Variants in TNIK observed in about 807,000 individuals in gnomAD.
TNIK encodes TRAF2 and NCK interacting kinase.
In TNIK, 49 loss-of-function variants were observed where a neutral mutation model predicts 191.3. The observed-to-expected ratio is 0.26, with a 90% CI of 0.20 to 0.32. The LOEUF (loss-of-function observed/expected upper bound fraction) is 0.32, where lower values mean the gene tolerates loss of function less well. Ranked by LOEUF, TNIK falls within the 10% of genes least tolerant of loss-of-function variation. The pLI is 1.00. For missense variants in TNIK, 1,155 were observed against 1,702.3 expected, an observed-to-expected ratio of 0.68 and a Z score of 5.66; for synonymous variants, 594 against 600.9, an observed-to-expected ratio of 0.99 and a Z score of 0.17.
At chr3:171,430,170 G>A (rs183138943) in intron 1 of TNIK, among the ~76,000 whole-genome samples, 45 of 152,074 alleles carry the variant, frequency 3.0e-4, no homozygotes, top group African/African-American at 3.9e-4. Context: ...CACCAAATAC[G>A]GTATTTAGCA....
chr3:171,390,842 A>G (rs908018485), intron 1 of TNIK, among the ~76,000 whole-genome samples: 15 of 152,194 alleles, frequency 9.9e-5, no homozygotes, highest in African/African-American at 3.6e-4. Context: ...ACCTGTGCCC[A>G]TGGATGTTGT....
intron 27 of TNIK, among the ~76,000 whole-genome samples, chr3:171,081,888 A>G (rs1720736703): frequency 6.6e-6 from 1 of 152,124 alleles, no homozygotes; most frequent in South Asian, 2.1e-4. Flanking sequence ...TGCTTACTAA[A>G]TGTCCCTCTA....
At chr3:171,225,345 C>G (rs1383458981) in intron 3 of TNIK, among the ~76,000 whole-genome samples, 2 of 152,164 alleles carry the variant, frequency 1.3e-5, no homozygotes, top group African/African-American at 4.8e-5. Context: ...AAACCATTTC[C>G]TGATGTGCAT....
chr3:171,084,399 A>G lies in TNIK; in HGVS notation c.2999-74T>C, dbSNP rs943674707. 82 of 1,491,072 alleles carry G rather than the reference A, an allele frequency of 5.5e-5. No individual in the cohort carries two copies. The African/African-American group carries it at 7.3e-4, about 13-fold the overall frequency. 92.4% of individuals were successfully genotyped at this position (1,491,072 alleles called of 1,614,324 possible). A position where few individuals can be genotyped will look rare whatever the true frequency, so the allele number is the denominator to read the frequency against. Reference sequence around the variant, plus strand: ...TATGGAGATGGGGCTTCAAAACACTATGATTTCTCCTTGTTTGGTTTGAAT... The same window carrying G: ...TATGGAGATGGGGCTTCAAAACACTGTGATTTCTCCTTGTTTGGTTTGAAT... On this transcript the variant is annotated intron_variant, in intron 25 of 32. Coordinates refer to ENST00000436636, the MANE Select transcript of TNIK (RefSeq NM_015028.4).
chr3:171,222,088 T>C (rs1742412140), intron 3 of TNIK, among the ~76,000 whole-genome samples: 1 of 152,120 alleles, frequency 6.6e-6, no homozygotes, highest in Non-Finnish European at 1.5e-5. Context: ...ATAAGAAAAC[T>C]GTGGCTCAGA....
At chr3:171,124,613 A>T (rs945310897) in intron 17 of TNIK, among the ~76,000 whole-genome samples, 4 of 152,196 alleles carry the variant, frequency 2.6e-5, no homozygotes, top group African/African-American at 9.6e-5. Context: ...TGAAAATTTA[A>T]TTTTTATTAT....
chr3:171,339,565 A>G (rs1224266166), intron 2 of TNIK, among the ~76,000 whole-genome samples: 1 of 152,092 alleles, frequency 6.6e-6, no homozygotes, highest in African/African-American at 2.4e-5. Flanking sequence ...CTCCCAGCAC[A>G]GTGCTGGTAC....
chr3:171,446,582 TA>T (rs1489039444), intron 1 of TNIK, among the ~76,000 whole-genome samples: 1 of 152,232 alleles, frequency 6.6e-6, no homozygotes, highest in African/African-American at 2.4e-5. Context: ...GAAAGTAGAT[TA>T]TAGTCCAGAA....
chr3:171,100,998 A>G (rs1259651164), intron 22 of TNIK, among the ~76,000 whole-genome samples: 2 of 152,096 alleles, frequency 1.3e-5, no homozygotes, highest in African/African-American at 2.4e-5. Context: ...ATGGTAACGC[A>G]TGCTGGCTTG....
intron 1 of TNIK, among the ~76,000 whole-genome samples, chr3:171,437,898 G>A (rs141160808): frequency 1.2e-3 from 182 of 152,322 alleles, no homozygotes; most frequent in African/African-American, 4.0e-3. Context: ...GAGGAAATCC[G>A]GGGAGTTGAT....
At chr3:171,242,159 T>TAAAAAAAA (rs59090516) in intron 2 of TNIK, among the ~76,000 whole-genome samples, 1 of 142,468 alleles carries the variant, frequency 7.0e-6, no homozygotes, top group Non-Finnish European at 1.5e-5. Flanking sequence ...GAACTTAAAT[T>TAAAAAAAA]AAAAAAAAAA....
chr3:171,279,939 C>G (rs1750232444), intron 2 of TNIK, among the ~76,000 whole-genome samples: 1 of 152,146 alleles, frequency 6.6e-6, no homozygotes, highest in Non-Finnish European at 1.5e-5. Context: ...TCAGTACATA[C>G]CTACTAATAG....
Position 171,139,493 on chromosome 3 carries a change from G to A in TNIK, c.1396C>T (p.Leu466=), listed in dbSNP as rs759603578. 107 of 1,613,424 alleles carry A rather than the reference G, an allele frequency of 6.6e-5. No homozygotes were observed. Among genetic ancestry groups the A allele is most frequent in the Non-Finnish European group, 7.8e-5 (92 of 1,179,682 alleles). ...ACCAGAAGTAGAGCTTGTTCATGCA[G>A]TAGCTGCTGCTGCAAGATCTCTAAC... ...RQLEILQQQL[L]HEQALLLEYK... The change falls in exon 14 of 33, where the codon CTG becomes TTG. Residue 466 remains leucine (L), a synonymous_variant. Transcript: ENST00000436636.
At chr3:171,438,594 T>G (rs752121246) in intron 1 of TNIK, among the ~76,000 whole-genome samples, 2 of 152,332 alleles carry the variant, frequency 1.3e-5, no homozygotes, top group Admixed American at 1.3e-4. Flanking sequence ...ACCAATGGCT[T>G]GTGGACAAAT....
rs561775674 is a variant in TNIK, at chr3:171,108,033, A to G, written c.2382+32T>C. ...CCTGTGGGTTCTCTGGTAAATTAAG[A>G]GTTCAAAACTCTTGGAGAGAAAAGC... On this transcript the variant is annotated intron_variant, in intron 20 of 32. Transcript: ENST00000436636. The G allele has an allele frequency of 9.0e-5, 139 of 1,548,156 alleles. 1 individual carries two copies. Among genetic ancestry groups the G allele is most frequent in the Non-Finnish European group, 1.1e-4 (129 of 1,144,116 alleles).
Position 171,147,594 on chromosome 3 carries a change from T to C in TNIK, c.1222-7085A>G, listed in dbSNP as rs534714143. 7.2e-5 allele frequency among the ~76,000 whole-genome samples: 11 copies of C among 152,300 alleles called. No individual in the cohort carries two copies. In the South Asian group the frequency reaches 2.1e-3, roughly 29 times the overall value. ...AGCAGTCTGGCACCTCTGAATTCAC[T>C]ATATGACAATGAAATAAAAACAAAA... On this transcript the variant is annotated intron_variant, in intron 12 of 32. Coordinates refer to ENST00000436636, the MANE Select transcript of TNIK (RefSeq NM_015028.4).
intron 23 of TNIK, among the ~76,000 whole-genome samples, chr3:171,092,040 C>T (rs372302508): frequency 7.3e-5 from 11 of 151,642 alleles, no homozygotes; most frequent in African/African-American, 2.2e-4. Context: ...ACCTCTGCCT[C>T]CCGGGTTCAC....
At chr3:171,140,192 T>A (rs1730612512) in intron 13 of TNIK, among the ~76,000 whole-genome samples, 1 of 152,212 alleles carries the variant, frequency 6.6e-6, no homozygotes, top group Admixed American at 6.5e-5. Flanking sequence ...GTCAGGGAAC[T>A]CTGTCTGGGT....
chr3:171,389,900 T>C (rs1719241177), intron 1 of TNIK, among the ~76,000 whole-genome samples: 1 of 152,196 alleles, frequency 6.6e-6, no homozygotes, highest in Non-Finnish European at 1.5e-5. Flanking sequence ...AAGCCCCTTG[T>C]TTCTGCCAAC....
Sources: gnomAD v4.1 joint callset for allele counts (sites outside exome capture counted in the v4.1 genomes callset) on GRCh38, gnomAD v4.1.1 for gene constraint, MANE v1.5 for transcripts, NCBI Gene and HGNC (gene_info 2026-07-23, HGNC 2026-07-21) for gene names.